CPNE4: variants seen among roughly 807,000 people sequenced by gnomAD.
CPNE4 encodes the protein copine 4, also known as copine-4.
CPNE4 carries 25 observed loss-of-function variants against 67.9 expected under a neutral mutation model. The ratio of observed to expected loss-of-function variants is 0.37; its 90% CI spans 0.27 to 0.51. The LOEUF is 0.51. Ranked by LOEUF, CPNE4 falls within the 20% of genes least tolerant of loss-of-function variation. The probability of loss-of-function intolerance (pLI) is 0.93; values close to 1 mark genes in which losing one functional copy is unlikely to be tolerated. For synonymous variants in CPNE4, 242 were observed against 244.9 expected (o/e 0.99, Z 0.11); for missense variants, 464 against 690.8 (o/e 0.67, Z 3.68).
At chr3:131,954,234 C>T (rs2071866702) in intron 1 of CPNE4, among the ~76,000 whole-genome samples, 2 of 152,024 alleles carry the variant, frequency 1.3e-5, no homozygotes, top group Non-Finnish European at 2.9e-5. Context: ...ACATTGTATA[C>T]TTTGAGTTCT....
At chr3:131,599,866 C>G (rs2107722104) in intron 7 of CPNE4, among the ~76,000 whole-genome samples, 1 of 152,336 alleles carries the variant, frequency 6.6e-6, no homozygotes, top group Middle Eastern at 3.4e-3. Context: ...AGACTCATGT[C>G]TCAGTTCTAG....
chr3:131,981,406 T>C (rs180990268), intron 1 of CPNE4, among the ~76,000 whole-genome samples: 197 of 152,142 alleles, frequency 1.3e-3, no homozygotes, highest in African/African-American at 4.6e-3. Flanking sequence ...CCCAAGTCAC[T>C]GGAGTTGTGT....
At chr3:131,935,200 T>G (rs1427011485) in intron 1 of CPNE4, among the ~76,000 whole-genome samples, 3 of 152,142 alleles carry the variant, frequency 2.0e-5, no homozygotes, top group Admixed American at 2.0e-4. Flanking sequence ...AGCAAGTAGC[T>G]GGGTTCAGTT....
chr3:131,825,511 A>G (rs1275508380), intron 2 of CPNE4, among the ~76,000 whole-genome samples: 1 of 149,058 alleles, frequency 6.7e-6, no homozygotes. Flanking sequence ...AAAAAAAAAC[A>G]TTGGTAACTT....
intron 2 of CPNE4, among the ~76,000 whole-genome samples, chr3:131,888,689 G>A (rs191371948): frequency 6.2e-4 from 95 of 152,258 alleles, no homozygotes; most frequent in African/African-American, 1.9e-3. Context: ...CTGAGATTTC[G>A]AGTCCGTAGA....
chr3:131,656,902 G>C (rs1261998256), intron 7 of CPNE4, among the ~76,000 whole-genome samples: 1 of 152,092 alleles, frequency 6.6e-6, no homozygotes, highest in Non-Finnish European at 1.5e-5. Context: ...AATGGAGAGG[G>C]ACAGGTGGGA....
intron 7 of CPNE4, among the ~76,000 whole-genome samples, chr3:131,641,319 G>GA (rs537352630): frequency 2.0e-4 from 29 of 146,924 alleles, no homozygotes; most frequent in East Asian, 7.9e-4. Context: ...AAATCAGCAA[G>GA]AAAAAAAAAA....
At chr3:131,587,028 G>A (rs543491331) in intron 8 of CPNE4, among the ~76,000 whole-genome samples, 3 of 152,246 alleles carry the variant, frequency 2.0e-5, no homozygotes, top group African/African-American at 4.8e-5. Context: ...AGACCTAGAA[G>A]GAATACTACT....
At chr3:131,890,335 C>T (rs1055117829) in intron 2 of CPNE4, among the ~76,000 whole-genome samples, 5 of 151,542 alleles carry the variant, frequency 3.3e-5, no homozygotes, top group African/African-American at 9.7e-5. Flanking sequence ...TATATAAAAA[C>T]GTGCTTAACA....
intron 2 of CPNE4, among the ~76,000 whole-genome samples, chr3:131,891,076 C>T (rs1454024613): frequency 6.6e-6 from 1 of 151,940 alleles, no homozygotes; most frequent in Non-Finnish European, 1.5e-5. Flanking sequence ...GAGGACAGAT[C>T]TCATGTTAAG....
intron 10 of CPNE4, among the ~76,000 whole-genome samples, 191 bp downstream of exon 10, chr3:131,574,880 T>A (rs1937511380): frequency 6.6e-6 from 1 of 152,124 alleles, no homozygotes; most frequent in South Asian, 2.1e-4. Context: ...CTGAAAACTA[T>A]ACTTATTAAA....
At position 131,706,790 on chromosome 3, in the gene CPNE4, G is replaced by C. The variant is rs115937361; in HGVS notation, c.361-6810C>G. Among the ~76,000 whole-genome samples the C allele has an allele frequency of 1.9e-3, 296 of 152,208 alleles. 1 individual carries two copies. Among genetic ancestry groups the C allele is most frequent in the African/African-American group, 7.0e-3 (292 of 41,524 alleles). On this transcript the variant is annotated intron_variant, in intron 3 of 15. Coordinates refer to ENST00000429747, the MANE Select transcript of CPNE4 (RefSeq NM_130808.3). ...TCACCAACCCCGTATCTTAATCCAG[G>C]CATTCGTTTCTATTGATTCCAAGTC...
At chr3:131,929,418 A>T (rs762009084) in intron 1 of CPNE4, among the ~76,000 whole-genome samples, 1 of 152,030 alleles carries the variant, frequency 6.6e-6, no homozygotes, top group African/African-American at 2.4e-5. Context: ...CACCCTTCTT[A>T]TTCCTTCTTG....
intron 1 of CPNE4, among the ~76,000 whole-genome samples, chr3:131,984,840 G>A (rs1050607299): frequency 7.2e-5 from 11 of 152,156 alleles, no homozygotes; most frequent in Non-Finnish European, 1.5e-4. Flanking sequence ...TTGGTTCTCA[G>A]AGTTCCCCAG....
At chr3:131,708,302 G>A (rs1160144433) in intron 3 of CPNE4, among the ~76,000 whole-genome samples, 1 of 152,152 alleles carries the variant, frequency 6.6e-6, no homozygotes, top group African/African-American at 2.4e-5. Context: ...GGGGAAGATG[G>A]CAAGGGGTGT....
In CPNE4 at chr3:132,034,510, G is replaced by C. The variant is rs531951332; in HGVS notation, c.-2+57C>G. 171 of 889,534 alleles carry C rather than the reference G, an allele frequency of 1.9e-4. 1 individual carries two copies. The South Asian group carries it at 7.9e-3, about 41-fold the overall frequency. 55.1% of individuals were successfully genotyped at this position (889,534 alleles called of 1,614,324 possible). ...GTCTTGCTACGCAGCAGCTCCAACAGACTTTGCAATCACAGCGCCCCAGGA... is the reference window on the plus strand; with the variant it reads ...GTCTTGCTACGCAGCAGCTCCAACACACTTTGCAATCACAGCGCCCCAGGA... On this transcript the variant is annotated intron_variant, in intron 1 of 15. Coordinates refer to ENST00000429747, the MANE Select transcript of CPNE4 (RefSeq NM_130808.3).
At chr3:131,816,396 T>C (rs1038344273) in intron 2 of CPNE4, among the ~76,000 whole-genome samples, 7 of 152,212 alleles carry the variant, frequency 4.6e-5, no homozygotes, top group African/African-American at 1.7e-4. Flanking sequence ...CTGACTCATT[T>C]TGAAAAGTTT....
chr3:131,655,432 A>C (rs2079929827), intron 7 of CPNE4, among the ~76,000 whole-genome samples: 1 of 152,184 alleles, frequency 6.6e-6, no homozygotes, highest in Non-Finnish European at 1.5e-5. Flanking sequence ...TGGGAGTAGC[A>C]GGGGTGATTG....
chr3:131,618,631 T>A (rs931267617), intron 7 of CPNE4, among the ~76,000 whole-genome samples: 1 of 152,202 alleles, frequency 6.6e-6, no homozygotes, highest in Non-Finnish European at 1.5e-5. Flanking sequence ...TCTCTGCATT[T>A]GTTCTGATCT....
Sources: gnomAD v4.1 joint callset for allele counts (sites outside exome capture counted in the v4.1 genomes callset) on GRCh38, gnomAD v4.1.1 for gene constraint, MANE v1.5 for transcripts, NCBI Gene and HGNC (gene_info 2026-07-23, HGNC 2026-07-21) for gene names.